The following FIGN variants were observed in gnomAD, a reference collection of about 807,000 sequenced individuals.
FIGN encodes fidgetin, microtubule severing factor.
Under a neutral mutation model 51.3 loss-of-function variants are expected in FIGN, and 11 were observed. The ratio of observed to expected loss-of-function variants is 0.21; its 90% CI spans 0.13 to 0.35. The LOEUF is 0.35. Among genes scored for constraint, FIGN ranks in the 10% least tolerant of loss-of-function variants. FIGN has a pLI of 1.00. For missense variants in FIGN, 857 were observed against 943.6 expected, an observed-to-expected ratio of 0.91 and a Z score of 1.20; for synonymous variants, 407 against 363.2, an observed-to-expected ratio of 1.12 and a Z score of -1.37.
At position 163,611,006 on chromosome 2, in the gene FIGN, G is replaced by A; in HGVS notation, c.826C>T (p.Pro276Ser). The A allele has an allele frequency of 6.2e-7, 1 of 1,613,840 alleles. No individual in the cohort carries two copies. Among genetic ancestry groups the A allele is most frequent in the Non-Finnish European group, 8.5e-7 (1 of 1,180,012 alleles). Residue 276 changes from proline (P) to serine (S), a missense_variant, in exon 3 of 3, where the codon CCT (proline) becomes TCT (serine). Coordinates refer to ENST00000333129, the MANE Select transcript of FIGN (RefSeq NM_018086.4). ...GGGGTGGGAGCAGGAATTCCTGAAG[G>A]CAGGTACGCTGAAGGCGGAGGCGGT... is the stretch of plus-strand genomic sequence containing the variant. ...GAPPPPSAYL[P>S]SGIPAPTPLP...
chr2:163,701,509 A>C (rs1573959623), intron 2 of FIGN, among the ~76,000 whole-genome samples: 1 of 152,182 alleles, frequency 6.6e-6, no homozygotes, highest in African/African-American at 2.4e-5. Context: ...AATCAGTAGA[A>C]CCTGCGGATG....
chr2:163,657,616 T>A (rs964267542), intron 2 of FIGN, among the ~76,000 whole-genome samples: 1 of 151,804 alleles, frequency 6.6e-6, no homozygotes, highest in African/African-American at 2.4e-5. Context: ...TACAGAAGAC[T>A]CATGTAATTA....
chr2:163,677,721 C>T (rs909036901), intron 2 of FIGN, among the ~76,000 whole-genome samples: 2 of 152,048 alleles, frequency 1.3e-5, no homozygotes, highest in Admixed American at 1.3e-4. Context: ...TTGTGTTCTA[C>T]TCAGTGACAT....
intron 2 of FIGN, among the ~76,000 whole-genome samples, chr2:163,687,494 A>G (rs1282241058): frequency 6.6e-6 from 1 of 152,174 alleles, no homozygotes; most frequent in Non-Finnish European, 1.5e-5. Context: ...AGAATAATTT[A>G]TCTTTCCCTT....
intron 2 of FIGN, among the ~76,000 whole-genome samples, chr2:163,673,393 A>G (rs1445438392): frequency 6.6e-6 from 1 of 152,098 alleles, no homozygotes; most frequent in Non-Finnish European, 1.5e-5. Flanking sequence ...CAAGAATATA[A>G]ACATAGTCAA....
chr2:163,654,231 T>C (rs1683524347), intron 2 of FIGN, among the ~76,000 whole-genome samples: 1 of 152,140 alleles, frequency 6.6e-6, no homozygotes, highest in African/African-American at 2.4e-5. Context: ...TTGGACAGAT[T>C]GCTATGCAAT....
rs1490790566 is a variant in FIGN, at chr2:163,609,848, T to C, written c.1984A>G (p.Ile662Val). The C allele has an allele frequency of 3.7e-6, 6 of 1,614,030 alleles. No homozygotes were observed. The African/African-American group carries it at 6.7e-5, about 18-fold the overall frequency. The change falls in exon 3 of 3, where the codon ATA becomes GTA. Residue 662 changes from isoleucine (I) to valine (V), a missense_variant. Ile to Val is a conservative substitution (Grantham distance 29). Around this residue, in one of 3 missense-constraint regions of FIGN, gnomAD observed 799 missense variants for 849.5 expected, o/e 0.94. Transcript: ENST00000333129. The stretch of plus-strand genomic sequence containing the variant: ...TTGTGCTGTGAGAGCAGTTGTACTA[T>C]TATCTGGTGCCTCGCTGTGCTGTCA... ...LPDSTARHQI[I>V]VQLLSQHNYC...
At chr2:163,710,569 A>C (rs1356742993) in intron 2 of FIGN, among the ~76,000 whole-genome samples, 3 of 152,268 alleles carry the variant, frequency 2.0e-5, no homozygotes, top group African/African-American at 7.2e-5. Flanking sequence ...AAATGCAGGC[A>C]GACTTGCACT....
At chr2:163,689,968 A>G (rs1228333600) in intron 2 of FIGN, among the ~76,000 whole-genome samples, 1 of 152,150 alleles carries the variant, frequency 6.6e-6, no homozygotes, top group Admixed American at 6.6e-5. Flanking sequence ...ATTGTAAATA[A>G]TTTCAATCTA....
chr2:163,669,417 T>G (rs1186472625), intron 2 of FIGN, among the ~76,000 whole-genome samples: 2 of 152,186 alleles, frequency 1.3e-5, no homozygotes, highest in South Asian at 4.1e-4. Flanking sequence ...GGTCTTCCTA[T>G]GTTGCCCAGG....
intron 2 of FIGN, among the ~76,000 whole-genome samples, chr2:163,665,178 G>A (rs776443850): frequency 1.3e-5 from 2 of 152,134 alleles, no homozygotes; most frequent in African/African-American, 2.4e-5. Context: ...TTCTATTGTC[G>A]TTAGACTAGT....
rs751817478 is a variant in FIGN at position 163,727,114 on chromosome 2, AGAAAT to A, written c.25+7784_25+7788del. On this transcript the variant is annotated intron_variant, in intron 2 of 2. Coordinates refer to ENST00000333129, the MANE Select transcript of FIGN (RefSeq NM_018086.4). ...CTTCAATTTGAAATTGAAAGGGAAA[AGAAAT>A]GAACAGATGAAAAATAAAAAAGCTC... 3.3e-5 allele frequency among the ~76,000 whole-genome samples: 5 copies of A among 152,254 alleles called. No homozygotes were observed. The South Asian group carries it at 1.0e-3, about 32-fold the overall frequency.
rs1198953590 is a variant in FIGN at position 163,660,829 on chromosome 2, GTATACATA to G, written c.26-49031_26-49024del. The stretch of plus-strand genomic sequence containing the variant: ...CATATATATACATATACATATATAT[GTATACATA>G]TATACATATATATATGTATACATAT... On this transcript the variant is annotated intron_variant, in intron 2 of 2. Transcript: ENST00000333129. Among the ~76,000 whole-genome samples, 10 of 21,348 alleles carry G rather than the reference GTATACATA, an allele frequency of 4.7e-4. 3 individuals carry two copies. The highest frequency in any genetic ancestry group is 3.7e-3 in the East Asian group (2 of 540). 14.0% of individuals were successfully genotyped at this position (21,348 alleles called of 152,430 possible).
intron 2 of FIGN, among the ~76,000 whole-genome samples, chr2:163,626,291 A>G (rs1573911676): frequency 6.6e-6 from 1 of 152,184 alleles, no homozygotes; most frequent in Non-Finnish European, 1.5e-5. Context: ...CAAAAGAAAA[A>G]AACAGCGGAT....
At chr2:163,697,725 T>C (rs1163690457) in intron 2 of FIGN, among the ~76,000 whole-genome samples, 1 of 152,156 alleles carries the variant, frequency 6.6e-6, no homozygotes, top group Admixed American at 6.5e-5. Context: ...TGGGACCATA[T>C]GCAAGTAATT....
chr2:163,648,329 A>G (rs1683415357), intron 2 of FIGN, among the ~76,000 whole-genome samples: 2 of 152,226 alleles, frequency 1.3e-5, no homozygotes, highest in South Asian at 4.1e-4. Flanking sequence ...ATTAGAATGG[A>G]ATGAATGAAA....
At chr2:163,681,849 A>G (rs932180985) in intron 2 of FIGN, among the ~76,000 whole-genome samples, 1 of 152,206 alleles carries the variant, frequency 6.6e-6, no homozygotes, top group African/African-American at 2.4e-5. Flanking sequence ...TGCTGTGAAT[A>G]AAAGGGCCTG....
At chr2:163,699,077 G>T (rs1684367512) in intron 2 of FIGN, among the ~76,000 whole-genome samples, 1 of 152,012 alleles carries the variant, frequency 6.6e-6, no homozygotes, top group Non-Finnish European at 1.5e-5. Flanking sequence ...CTTACCACAA[G>T]GAACCCTACA....
intron 2 of FIGN, among the ~76,000 whole-genome samples, chr2:163,657,532 GCA>G (rs67128717): frequency 2.7e-5 from 4 of 150,712 alleles, no homozygotes; most frequent in African/African-American, 7.4e-5. Context: ...GTGTGTGTGT[GCA>G]TGCACATGAG....
Sources: allele counts gnomAD v4.1 joint callset (sites outside exome capture counted in the v4.1 genomes callset), GRCh38; gene constraint gnomAD v4.1.1; regional missense constraint gnomAD v4.1.1; transcripts MANE v1.5; gene names NCBI Gene and HGNC (gene_info 2026-07-23, HGNC 2026-07-21).